TDRD7: variants seen among roughly 807,000 people sequenced by gnomAD.
TDRD7 encodes tudor domain-containing protein 7.
Under a neutral mutation model 109.8 loss-of-function variants are expected in TDRD7, and 47 were observed. The observed-to-expected ratio is 0.43, with a 90% CI of 0.34 to 0.55. The LOEUF (loss-of-function observed/expected upper bound fraction) is 0.55. Ranked by LOEUF, TDRD7 falls within the 20% of genes least tolerant of loss-of-function variation. TDRD7 has a pLI of 0.03. For synonymous variants in TDRD7, 424 were observed against 457.3 expected (o/e 0.93, Z 0.93); for missense variants, 1,164 against 1,319.2 (o/e 0.88, Z 1.82).
chr9:97,438,997 A>C (rs1171726951), intron 4 of TDRD7, among the ~76,000 whole-genome samples: 1 of 152,194 alleles, frequency 6.6e-6, no homozygotes. Context: ...TCTGACATCC[A>C]AGTTTTGAAA....
At chr9:97,490,909 CTTTTTTTTTT>C (rs1174656625) in intron 16 of TDRD7, among the ~76,000 whole-genome samples, 2 of 77,648 alleles carry the variant, frequency 2.6e-5, no homozygotes, top group Non-Finnish European at 4.7e-5. Context: ...CTTTTCTTTT[CTTTTTTTTTT>C]TTTTTTTTTT....
chr9:97,426,428 T>G (rs181348899), intron 1 of TDRD7, among the ~76,000 whole-genome samples: 145 of 152,242 alleles, frequency 9.5e-4, no homozygotes, highest in Middle Eastern at 6.8e-3. Flanking sequence ...ATTTTTCTAT[T>G]TTTTGTAGAG....
chr9:97,413,365 A>G (rs1345403312), intron 1 of TDRD7, among the ~76,000 whole-genome samples: 1 of 152,210 alleles, frequency 6.6e-6, no homozygotes, highest in Admixed American at 6.5e-5. Flanking sequence ...AACAAATTAC[A>G]TGCTTTCTCT....
chr9:97,467,363 T>G (rs927464581), intron 8 of TDRD7, among the ~76,000 whole-genome samples: 6 of 152,250 alleles, frequency 3.9e-5, no homozygotes, highest in Non-Finnish European at 7.3e-5. Flanking sequence ...TCCCTCCTTC[T>G]ACTTTGGGAA....
chr9:97,426,164 A>G (rs1827990873), intron 1 of TDRD7, among the ~76,000 whole-genome samples: 1 of 152,228 alleles, frequency 6.6e-6, no homozygotes, highest in South Asian at 2.1e-4. Context: ...AATGAATGTG[A>G]AGGCCTAGGA....
At chr9:97,476,318 T>G (rs917577796) in intron 12 of TDRD7, among the ~76,000 whole-genome samples, 4 of 152,226 alleles carry the variant, frequency 2.6e-5, no homozygotes, top group Admixed American at 6.5e-5. Context: ...TCTTATTTTC[T>G]TGCAAGCTCA....
In TDRD7 at chr9:97,490,557, G is replaced by T. The variant is rs934665827; in HGVS notation, c.3076+3225G>T. On this transcript the variant is annotated intron_variant, in intron 16 of 16. Coordinates refer to ENST00000355295, the MANE Select transcript of TDRD7 (RefSeq NM_014290.3). ...GCCTAGATATATTTTGGTGGGGGGG[G>T]GGGCATTTATCTTGCTTGGTGTTCT... Among the ~76,000 whole-genome samples, 6 of 140,852 alleles carry T rather than the reference G, an allele frequency of 4.3e-5. No individual in the cohort carries two copies. The South Asian group carries it at 7.3e-4, about 17-fold the overall frequency. The allele number at this position is 140,852 out of a possible 152,430, so 92.4% of individuals were successfully genotyped here.
rs754980763 is a variant in TDRD7, at chr9:97,487,220, T to C, written c.2964T>C (p.Ser988=). 51 of 1,613,936 alleles carry C rather than the reference T, an allele frequency of 3.2e-5. No homozygotes were observed. Among genetic ancestry groups the C allele is most frequent in the Admixed American group, 5.0e-5 (3 of 59,982 alleles). ...GAATCCTGACCAATGGACTGGTATC[T>C]GTGTATGAGCTGGATTATGGCAAAC... ...LKGILTNGLV[S]VYELDYGKHE... is the part of the protein sequence containing the mutation. Residue 988 remains serine (S), a synonymous_variant, in exon 16 of 17, where the codon TCT becomes TCC. Transcript: ENST00000355295.
At chr9:97,420,156 G>A (rs1387397612) in intron 1 of TDRD7, among the ~76,000 whole-genome samples, 2 of 152,180 alleles carry the variant, frequency 1.3e-5, no homozygotes, top group Admixed American at 1.3e-4. Flanking sequence ...TAAACAAATT[G>A]TAGTATACCC....
Position 97,430,929 on chromosome 9 carries a change from A to G in TDRD7, c.208-4A>G. The stretch of plus-strand genomic sequence containing the variant: ...TCTCCTCTTACCCTGCCTCTAATGA[A>G]TAGATTACCTGCTATGCCATGGCCT... On this transcript the variant is annotated splice_polypyrimidine_tract_variant and splice_region_variant and intron_variant, in intron 2 of 16. Coordinates refer to ENST00000355295, the MANE Select transcript of TDRD7 (RefSeq NM_014290.3). The G allele has an allele frequency of 1.2e-6, 2 of 1,613,758 alleles. No individual in the cohort carries two copies. The highest frequency in any genetic ancestry group is 1.7e-6 in the Non-Finnish European group (2 of 1,179,748).
At chr9:97,415,817 G>C (rs1321780429) in intron 1 of TDRD7, among the ~76,000 whole-genome samples, 2 of 152,110 alleles carry the variant, frequency 1.3e-5, no homozygotes, top group Non-Finnish European at 2.9e-5. Context: ...TGATGTCTAA[G>C]ATATTAAACT....
rs1829178711 is a variant in TDRD7, at chr9:97,484,520, C to G, written c.2915+1169C>G. Among the ~76,000 whole-genome samples, 12 of 151,778 alleles carry G rather than the reference C, an allele frequency of 7.9e-5. No homozygotes were observed. The South Asian group carries it at 2.5e-3, about 31-fold the overall frequency. ...CCAAAACTCAGTTTAAAAGGTCAAA[C>G]TGCTTATTTTTTATATGAAATGTTT... On this transcript the variant is annotated intron_variant, in intron 15 of 16. Transcript: ENST00000355295.
intron 16 of TDRD7, among the ~76,000 whole-genome samples, chr9:97,494,632 CA>C (rs1038760534): frequency 1.3e-5 from 2 of 150,758 alleles, no homozygotes; most frequent in Admixed American, 1.3e-4. Flanking sequence ...GCATAATTTA[CA>C]GTTTATGTAA....
At chr9:97,439,148 T>G in intron 4 of TDRD7, 97 bp from the exon 5 acceptor site, 2 of 817,484 alleles carry the variant, frequency 2.4e-6, no homozygotes, top group Middle Eastern at 7.1e-4. Context: ...TGCTGTTAAA[T>G]GCCACTGAGA....
intron 8 of TDRD7, among the ~76,000 whole-genome samples, chr9:97,468,299 C>T (rs1828852766): frequency 6.6e-6 from 1 of 152,138 alleles, no homozygotes; most frequent in Admixed American, 6.5e-5. Context: ...GCAGAAAAGC[C>T]TGTAAAGATG....
rs201246147 is a variant in TDRD7, at chr9:97,441,858, T to C, written c.838T>C (p.Trp280Arg). Residue 280 changes from tryptophan (W) to arginine (R), a missense_variant, in exon 6 of 17, where the codon TGG becomes CGG. Transcript: ENST00000355295. ...NQGILQQFEH[W>R]PHICTVEKPC... is the part of the protein sequence containing the mutation. ...AGGAATTTTACAACAGTTTGAACAC[T>C]GGCCTCATATTTGCACGGTATGTTT... The C allele has an allele frequency of 5.0e-6, 8 of 1,613,604 alleles. No homozygotes were observed. Among genetic ancestry groups the C allele is most frequent in the Non-Finnish European group, 5.9e-6 (7 of 1,179,642 alleles).
chr9:97,473,590 C>T lies in TDRD7; in HGVS notation c.2043C>T (p.Asp681=). 1 of 1,613,792 alleles carries T rather than the reference C, an allele frequency of 6.2e-7. No homozygotes were observed. The highest frequency in any genetic ancestry group is 8.5e-7 in the Non-Finnish European group (1 of 1,179,772). The change falls in exon 11 of 17, where the codon GAC becomes GAT. Residue 681 remains aspartate, a synonymous_variant. Coordinates refer to ENST00000355295, the MANE Select transcript of TDRD7 (RefSeq NM_014290.3). The stretch of plus-strand genomic sequence containing the variant: ...GTAAGGGTCTGAACAAGCTCAGTGA[C>T]CTTCTACGTAAGATAGAGGACTACT... ...VPCKGLNKLS[D]LLRKIEDYFH...
At chr9:97,465,404 ATTC>A (rs915028112) in intron 8 of TDRD7, among the ~76,000 whole-genome samples, 9 of 152,186 alleles carry the variant, frequency 5.9e-5, no homozygotes, top group African/African-American at 1.7e-4. Flanking sequence ...AAAGGAGACA[ATTC>A]TTCTTCTCCC....
intron 1 of TDRD7, among the ~76,000 whole-genome samples, chr9:97,417,761 G>A (rs1167601811): frequency 6.6e-6 from 1 of 152,180 alleles, no homozygotes; most frequent in Non-Finnish European, 1.5e-5. Context: ...ATATATCAAT[G>A]GCCAGGTGTT....
Sources: gnomAD v4.1 joint callset for allele counts (sites outside exome capture counted in the v4.1 genomes callset) on GRCh38, gnomAD v4.1.1 for gene constraint, MANE v1.5 for transcripts, NCBI Gene and HGNC (gene_info 2026-07-23, HGNC 2026-07-21) for gene names.